Variants in UNC5C observed in about 807,000 individuals in gnomAD.
The protein encoded by UNC5C is unc-5 netrin receptor C.
UNC5C carries 47 observed loss-of-function variants against 99.8 expected under a neutral mutation model. The ratio of observed to expected loss-of-function variants is 0.47; its 90% CI spans 0.37 to 0.60. The LOEUF (loss-of-function observed/expected upper bound fraction) is 0.60. UNC5C is among the 20% of genes least tolerant of loss of function. UNC5C has a pLI of 0.00. For missense variants in UNC5C, 1,062 were observed against 1,165.9 expected (o/e 0.91, Z 1.30); for synonymous variants, 487 against 452.2 (o/e 1.08, Z -0.98).
intron 1 of UNC5C, among the ~76,000 whole-genome samples, chr4:95,416,554 A>G (rs149820786): frequency 6.6e-6 from 1 of 152,318 alleles, no homozygotes; most frequent in East Asian, 1.9e-4. Flanking sequence ...GAAAAATAAT[A>G]TGTGAAAGTG....
At chr4:95,261,166 A>G (rs1334848094) in intron 4 of UNC5C, among the ~76,000 whole-genome samples, 1 of 152,136 alleles carries the variant, frequency 6.6e-6, no homozygotes, top group East Asian at 1.9e-4. Flanking sequence ...AAGCTGGGAC[A>G]CCAAGACACA....
At chr4:95,320,031 A>G (rs966839819) in intron 2 of UNC5C, among the ~76,000 whole-genome samples, 1 of 152,224 alleles carries the variant, frequency 6.6e-6, no homozygotes, top group African/African-American at 2.4e-5. Flanking sequence ...TTGGAAGCGG[A>G]CCATCTCTTT....
intron 3 of UNC5C, among the ~76,000 whole-genome samples, chr4:95,289,201 C>G (rs1741354162): frequency 6.6e-6 from 1 of 152,166 alleles, no homozygotes; most frequent in African/African-American, 2.4e-5. Context: ...TACATACCCA[C>G]TTCCTCCAGC....
At chr4:95,432,904 A>G (rs1027344187) in intron 1 of UNC5C, among the ~76,000 whole-genome samples, 3 of 152,132 alleles carry the variant, frequency 2.0e-5, no homozygotes, top group African/African-American at 7.2e-5. Flanking sequence ...TGCTACTTAC[A>G]TTTTCACAGA....
intron 7 of UNC5C, among the ~76,000 whole-genome samples, chr4:95,224,689 A>T (rs557240020): frequency 1.3e-5 from 2 of 152,278 alleles, no homozygotes; most frequent in Non-Finnish European, 2.9e-5. Context: ...TGTTGTAGAC[A>T]TGGGGATACT....
chr4:95,291,268 G>A (rs1327833942), intron 3 of UNC5C, among the ~76,000 whole-genome samples: 1 of 152,004 alleles, frequency 6.6e-6, no homozygotes, highest in Non-Finnish European at 1.5e-5. Context: ...ATGTCTTAGG[G>A]ATAAATAATA....
intron 1 of UNC5C, among the ~76,000 whole-genome samples, chr4:95,444,480 T>C (rs1286379563): frequency 6.6e-6 from 1 of 152,124 alleles, no homozygotes; most frequent in Non-Finnish European, 1.5e-5. Flanking sequence ...TACAGGGGCC[T>C]GCCACCTTGC....
chr4:95,286,125 A>T (rs1741227099), intron 3 of UNC5C, among the ~76,000 whole-genome samples: 1 of 152,092 alleles, frequency 6.6e-6, no homozygotes, highest in African/African-American at 2.4e-5. Flanking sequence ...ATAATCCCCC[A>T]CTCTACTTTT....
intron 1 of UNC5C, among the ~76,000 whole-genome samples, chr4:95,342,189 G>T (rs1250430246): frequency 6.6e-6 from 1 of 152,112 alleles, no homozygotes; most frequent in Non-Finnish European, 1.5e-5. Context: ...CTGGCTAAGG[G>T]AGTGCTTGTG....
chr4:95,543,669 G>T (rs897075052), intron 1 of UNC5C, among the ~76,000 whole-genome samples: 6 of 152,096 alleles, frequency 3.9e-5, no homozygotes, highest in African/African-American at 1.2e-4. Context: ...AGAAATCCTG[G>T]GGTGTACCTT....
chr4:95,459,037 T>C (rs1023878997), intron 1 of UNC5C, among the ~76,000 whole-genome samples: 2 of 152,128 alleles, frequency 1.3e-5, no homozygotes, highest in Admixed American at 6.6e-5. Flanking sequence ...TAGTATCTTT[T>C]GATTTACACC....
intron 1 of UNC5C, among the ~76,000 whole-genome samples, chr4:95,477,998 A>T (rs1720993713): frequency 1.3e-5 from 2 of 151,706 alleles, no homozygotes; most frequent in Non-Finnish European, 3.0e-5. Context: ...TGCTTCGAAC[A>T]GTGCATGGTG....
intron 1 of UNC5C, among the ~76,000 whole-genome samples, chr4:95,453,719 A>G (rs1747349418): frequency 6.6e-6 from 1 of 152,094 alleles, no homozygotes; most frequent in Admixed American, 6.6e-5. Context: ...AAGAGAATAC[A>G]GACAAATAAG....
chr4:95,182,932 C>T lies in UNC5C; in HGVS notation c.2416G>A (p.Gly806Arg), dbSNP rs927398355. ...GTGCAGTTGAGCTGGAAGATCTGCC[C>T]TTCTCCTTCCACCTGCCGCACACAG... ...KLCVRQVEGE[G>R]QIFQLNCTVS... Residue 806 changes from glycine (G) to arginine (R), a missense_variant, in exon 14 of 16, where the codon GGG becomes AGG. Physicochemically the swap from Gly to Arg is moderately radical, Grantham distance 125. This residue lies in a region of UNC5C where 810 missense variants were observed against 854.5 expected (regional missense o/e 0.95). Transcript: ENST00000453304. 19 of 1,613,734 alleles carry T rather than the reference C, an allele frequency of 1.2e-5. No individual in the cohort carries two copies. Among genetic ancestry groups the T allele is most frequent in the Admixed American group, 1.7e-5 (1 of 59,996 alleles).
chr4:95,331,395 C>T (rs1353903307), intron 2 of UNC5C, among the ~76,000 whole-genome samples: 1 of 152,102 alleles, frequency 6.6e-6, no homozygotes, highest in Non-Finnish European at 1.5e-5. Flanking sequence ...AATCTCCATA[C>T]TGTTTTCTAT....
intron 1 of UNC5C, among the ~76,000 whole-genome samples, chr4:95,448,225 T>TGAGAGAGAGAGAGAGAGAGAGAGA (rs1260024385): frequency 4.7e-4 from 50 of 105,688 alleles, no homozygotes; most frequent in Non-Finnish European, 8.0e-4. Context: ...TGTGTGTGTG[T>TGAGAGAGAGAGAGAGAGAGAGAGA]GTGAGAGAGA....
At position 95,354,333 on chromosome 4, in the gene UNC5C, C is replaced by T. The variant is rs533606644; in HGVS notation, c.125-18702G>A. ...TCCATAGCTTGCTGACCACTCCAAC[C>T]TCATCTTTCACCACTCCCTGCCTTG... On this transcript the variant is annotated intron_variant, in intron 1 of 15. Coordinates refer to ENST00000453304, the MANE Select transcript of UNC5C (RefSeq NM_003728.4). Among the ~76,000 whole-genome samples the T allele has an allele frequency of 2.0e-5, 3 of 151,746 alleles. No individual in the cohort carries two copies. In the South Asian group the frequency reaches 6.3e-4, roughly 32 times the overall value.
At chr4:95,524,433 G>T (rs1461119870) in intron 1 of UNC5C, among the ~76,000 whole-genome samples, 1 of 152,154 alleles carries the variant, frequency 6.6e-6, no homozygotes, top group Non-Finnish European at 1.5e-5. Context: ...TTAAGTGGAG[G>T]CTGCAATCTG....
chr4:95,419,884 T>G (rs1028636214), intron 1 of UNC5C, among the ~76,000 whole-genome samples: 19 of 152,246 alleles, frequency 1.2e-4, no homozygotes, highest in Non-Finnish European at 1.0e-4. Flanking sequence ...ACTCCTAAAA[T>G]GTAAGCTCGG....
Sources: allele counts gnomAD v4.1 joint callset (sites outside exome capture counted in the v4.1 genomes callset), GRCh38; gene constraint gnomAD v4.1.1; regional missense constraint gnomAD v4.1.1; transcripts MANE v1.5; gene names NCBI Gene and HGNC (gene_info 2026-07-23, HGNC 2026-07-21).